Variants in CCT4 observed in about 807,000 individuals in gnomAD.
CCT4 encodes chaperonin containing TCP1 subunit 4, also known as T-complex protein 1 subunit delta.
Under a neutral mutation model 62.5 loss-of-function variants are expected in CCT4, and 17 were observed. That is an observed-to-expected ratio of 0.27 (90% CI 0.19 to 0.41). The LOEUF is 0.41. Ranked by LOEUF, CCT4 falls within the 10% of genes least tolerant of loss-of-function variation. The pLI is 1.00. For missense variants in CCT4, 592 were observed against 659.2 expected (o/e 0.90, Z 1.12); for synonymous variants, 250 against 229.9 (o/e 1.09, Z -0.79).
chr2:61,887,722 G>A (rs777192014), intron 1 of CCT4, among the ~76,000 whole-genome samples: 1 of 152,232 alleles, frequency 6.6e-6, no homozygotes, highest in Non-Finnish European at 1.5e-5. Flanking sequence ...AGCAGAGAAT[G>A]AAACTCTGGT....
chr2:61,886,967 C>T (rs2105144341), intron 1 of CCT4, among the ~76,000 whole-genome samples: 1 of 152,274 alleles, frequency 6.6e-6, no homozygotes, highest in East Asian at 1.9e-4. Flanking sequence ...CCATGTTGGT[C>T]AGGCTGGTCT....
chr2:61,883,778 A>G (rs2421441), intron 2 of CCT4, among the ~76,000 whole-genome samples: 18 of 58,792 alleles, frequency 3.1e-4, no homozygotes, highest in South Asian at 4.7e-4. Context: ...ATGTAGACAC[A>G]CACACACACA....
intron 3 of CCT4, among the ~76,000 whole-genome samples, chr2:61,881,471 A>G (rs539622356): frequency 1.2e-4 from 19 of 152,248 alleles, no homozygotes; most frequent in African/African-American, 4.6e-4. Flanking sequence ...ATGACTTGAC[A>G]CCAGGTTTAT....
intron 3 of CCT4, 117 bp from the exon 4 acceptor site, chr2:61,880,511 G>T: frequency 1.5e-6 from 1 of 652,126 alleles, no homozygotes. Context: ...CATGATTCCT[G>T]ATTTCTTCTG....
At chr2:61,885,590 T>C (rs527358348) in intron 1 of CCT4, 1 of 152,326 alleles carries the variant, frequency 6.6e-6, no homozygotes, top group African/African-American at 2.4e-5. Context: ...TTTTTGTATT[T>C]TTTAGTAGAG....
chr2:61,871,984 T>C (rs368273591), intron 12 of CCT4, 98 bp downstream of exon 12: 18 of 801,676 alleles, frequency 2.2e-5, no homozygotes, highest in Middle Eastern at 7.6e-4. Flanking sequence ...TCCAAGATTA[T>C]GCTTTTCATT....
chr2:61,872,354 A>T, intron 11 of CCT4, 38 bp from the exon 12 acceptor site: 1 of 1,472,320 alleles, frequency 6.8e-7, no homozygotes, highest in Non-Finnish European at 9.2e-7. Flanking sequence ...TATTTTATCC[A>T]AAAGAAAATT....
At chr2:61,876,659 A>C (rs1197834644) in intron 7 of CCT4, among the ~76,000 whole-genome samples, 2 of 152,282 alleles carry the variant, frequency 1.3e-5, no homozygotes, top group East Asian at 3.9e-4. Context: ...CCTAGGTTCA[A>C]GCAATTTTTC....
In CCT4 at chr2:61,873,282, C is replaced by T. The variant is rs760569395; in HGVS notation, c.929G>A (p.Ser310Asn). 1 of 1,535,650 alleles carries T rather than the reference C, an allele frequency of 6.5e-7. No individual in the cohort carries two copies. The highest frequency in any genetic ancestry group is 9.0e-7 in the Non-Finnish European group (1 of 1,110,948). ...IQKSILRDALSDLALHFLNKM... is the reference protein window; with the variant it reads ...IQKSILRDALNDLALHFLNKM... ...ATTCAGAAAGTGTAATGCAAGATCA[C>T]TAAGAGCATCTCTAAAATACAAAAT... The change falls in exon 9 of 14, where the codon AGT becomes AAT. Residue 310 changes from serine to asparagine, a missense_variant. Around this residue, in one of 3 missense-constraint regions of CCT4, gnomAD observed 522 missense variants for 571.2 expected, o/e 0.91. Coordinates refer to ENST00000394440, the MANE Select transcript of CCT4 (RefSeq NM_006430.4).
intron 3 of CCT4, among the ~76,000 whole-genome samples, chr2:61,882,190 C>T (rs889350608): frequency 1.6e-4 from 24 of 152,124 alleles, no homozygotes; most frequent in Non-Finnish European, 3.2e-4. Flanking sequence ...GCCTCAGCCT[C>T]CCAAAGTGCT....
intron 1 of CCT4, 70 bp downstream of exon 1, chr2:61,888,311 C>A: frequency 1.3e-6 from 2 of 1,547,732 alleles, no homozygotes; most frequent in Non-Finnish European, 1.8e-6. Context: ...GAGCCAAACC[C>A]GCTCAAGCCC....
chr2:61,870,741 A>T (rs1668866441), intron 12 of CCT4, among the ~76,000 whole-genome samples: 1 of 152,072 alleles, frequency 6.6e-6, no homozygotes, highest in Non-Finnish European at 1.5e-5. Flanking sequence ...CAACACAGTG[A>T]AACACCATAT....
intron 8 of CCT4, 94 bp from the exon 9 acceptor site, chr2:61,873,387 G>A: frequency 8.0e-6 from 5 of 621,274 alleles, no homozygotes; most frequent in South Asian, 4.0e-5. Flanking sequence ...TTCTTAAATG[G>A]CCAATCATTA....
chr2:61,877,258 T>C (rs367831859), intron 6 of CCT4, 135 bp downstream of exon 6: 44 of 993,074 alleles, frequency 4.4e-5, no homozygotes, highest in Middle Eastern at 3.0e-4. Context: ...CCCATACTAA[T>C]ACAAATTCTC....
intron 4 of CCT4, 126 bp from the exon 5 acceptor site, chr2:61,879,137 G>C: frequency 1.5e-6 from 1 of 647,756 alleles, no homozygotes; most frequent in Non-Finnish European, 2.6e-6. Flanking sequence ...ACAAACTTAT[G>C]CTTCAGTTGT....
Position 61,883,911 on chromosome 2 carries a change from C to T in CCT4, c.181-363G>A, listed in dbSNP as rs185781985. ...CACCATGGATGCCCCTAAAGCAGTA[C>T]CATGCCATGCGGTGAACACAATTCT... On this transcript the variant is annotated intron_variant, in intron 2 of 13. Transcript: ENST00000394440. Among the ~76,000 whole-genome samples, 179 of 152,226 alleles carry T rather than the reference C, an allele frequency of 1.2e-3. 1 individual carries two copies. The highest frequency in any genetic ancestry group is 3.9e-3 in the African/African-American group (162 of 41,538).
chr2:61,869,779 G>A (rs1668846362), intron 12 of CCT4, among the ~76,000 whole-genome samples: 1 of 151,662 alleles, frequency 6.6e-6, no homozygotes, highest in South Asian at 2.1e-4. Flanking sequence ...AACTACAGGC[G>A]CCCACCACCA....
chr2:61,882,922 C>G (rs958388641), intron 3 of CCT4, among the ~76,000 whole-genome samples: 2 of 151,924 alleles, frequency 1.3e-5, no homozygotes, highest in Non-Finnish European at 2.9e-5. Context: ...CCCATGTCAG[C>G]CTATGGAGTG....
rs1036882551 is a variant in CCT4, at chr2:61,888,491, G to A, written c.17C>T (p.Ala6Val). The A allele has an allele frequency of 4.3e-6, 7 of 1,611,972 alleles. No homozygotes were observed. Among genetic ancestry groups the A allele is most frequent in the Non-Finnish European group, 5.9e-6 (7 of 1,179,262 alleles). Residue 6 changes from alanine (A) to valine (V), a missense_variant, in exon 1 of 14, where the codon GCA (alanine) becomes GTA (valine). This residue lies in a region of CCT4 where 67 missense variants were observed against 71.1 expected (regional missense o/e 0.94). Transcript: ENST00000394440. The part of the protein sequence containing the change: MPENV[A>V]PRSGATAGAA... The stretch of plus-strand genomic sequence containing the variant: ...CCCGGCAGTCGCCCCGCTCCGGGGT[G>A]CCACATTCTCGGGCATGGCAAACTC...
Sources: allele counts gnomAD v4.1 joint callset (sites outside exome capture counted in the v4.1 genomes callset), GRCh38; gene constraint gnomAD v4.1.1; regional missense constraint gnomAD v4.1.1; transcripts MANE v1.5; gene names NCBI Gene and HGNC (gene_info 2026-07-23, HGNC 2026-07-21).